The following NR1I2 variants were observed in gnomAD, a reference collection of about 807,000 sequenced individuals.
NR1I2 encodes the protein orphan nuclear receptor PAR1.
Under a neutral mutation model 43.3 loss-of-function variants are expected in NR1I2, and 42 were observed. The observed-to-expected ratio is 0.97, with a 90% CI of 0.76 to 1.26. NR1I2 has a LOEUF of 1.26. NR1I2 is among the 50% of genes most tolerant of loss of function. The pLI, the probability that NR1I2 is intolerant of heterozygous loss-of-function variation, is 0.00. For missense variants in NR1I2, 559 were observed against 566.7 expected (o/e 0.99, Z 0.14); for synonymous variants, 229 against 215.0 (o/e 1.06, Z -0.57).
intron 7 of NR1I2, 31 bp downstream of exon 7, chr3:119,815,470 C>T (rs770624324): frequency 3.9e-6 from 6 of 1,548,686 alleles, no homozygotes; most frequent in South Asian, 2.2e-5. Context: ...GCCTGACATC[C>T]CCCCCAGCCT....
chr3:119,817,134 G>A lies in NR1I2; in HGVS notation c.1227G>A (p.Gln409=). The change falls in exon 9 of 9, where the codon CAG becomes CAA. Residue 409 remains glutamine, a synonymous_variant. Coordinates refer to ENST00000393716, the MANE Select transcript of NR1I2 (RefSeq NM_003889.4). ...GCAGCATCAATGCTCAGCACACCCA[G>A]CGGCTGCTGCGCATCCAGGACATAC... 1.9e-6 allele frequency: 3 copies of A among 1,614,170 alleles called. No homozygotes were observed. The highest frequency in any genetic ancestry group is 2.5e-6 in the Non-Finnish European group (3 of 1,180,026).
intron 5 of NR1I2, among the ~76,000 whole-genome samples, chr3:119,814,302 C>G (rs1012545623): frequency 6.6e-6 from 1 of 152,224 alleles, no homozygotes; most frequent in South Asian, 2.1e-4. Context: ...CCTGCAGGAC[C>G]GGAAGGGTAT....
chr3:119,782,911 C>A, intron 1 of NR1I2: 2 of 1,391,694 alleles, frequency 1.4e-6, no homozygotes, highest in Non-Finnish European at 2.0e-6. Flanking sequence ...CGAGTCTTGC[C>A]TGCATGTGGT....
intron 2 of NR1I2, among the ~76,000 whole-genome samples, chr3:119,808,736 A>G (rs1469553750): frequency 6.6e-6 from 1 of 152,248 alleles, no homozygotes; most frequent in Non-Finnish European, 1.5e-5. Context: ...CTGGGGATCC[A>G]TCGTCTCCAA....
In NR1I2 at chr3:119,810,086, C is replaced by G; in HGVS notation, c.223C>G (p.Leu75Val). The G allele has an allele frequency of 6.2e-7, 1 of 1,613,916 alleles. No individual in the cohort carries two copies. Among genetic ancestry groups the G allele is most frequent in the South Asian group, 1.1e-5 (1 of 91,088 alleles). Residue 75 changes from leucine (L) to valine (V), a missense_variant, in exon 3 of 9, where the codon CTG becomes GTG. By Grantham distance (32) the Leu-to-Val change is conservative. This residue lies in a region of NR1I2 where 232 missense variants were observed against 236.6 expected (regional missense o/e 0.98). Coordinates refer to ENST00000393716, the MANE Select transcript of NR1I2 (RefSeq NM_003889.4). ...GAGGGCCATGAAACGCAACGCCCGG[C>G]TGAGGTGCCCCTTCCGGAAGGGCGC...
At chr3:119,805,708 C>T in intron 1 of NR1I2, among the ~76,000 whole-genome samples, 1 of 26,502 alleles carries the variant, frequency 3.8e-5, no homozygotes, top group African/African-American at 4.9e-5. Context: ...GTCCCCCCCT[C>T]CCCCCCACCA....
chr3:119,787,812 C>T (rs1015333559), intron 1 of NR1I2, among the ~76,000 whole-genome samples: 7 of 151,318 alleles, frequency 4.6e-5, no homozygotes, highest in African/African-American at 1.5e-4. Context: ...TATATGTAAT[C>T]GTGTGTATGT....
At chr3:119,789,983 G>A (rs914164264) in intron 1 of NR1I2, among the ~76,000 whole-genome samples, 1 of 152,070 alleles carries the variant, frequency 6.6e-6, no homozygotes, top group African/African-American at 2.4e-5. Flanking sequence ...GCATTTCTAA[G>A]TGTATAGCTC....
chr3:119,812,011 G>A (rs3732357), intron 4 of NR1I2, among the ~76,000 whole-genome samples: 88,322 of 151,970 alleles, frequency 0.58, 27,865 homozygotes, highest in Non-Finnish European at 0.7. Flanking sequence ...AGGACCCCCC[G>A]GTGATTCTGT....
chr3:119,817,205 G>A lies in NR1I2; in HGVS notation c.1298G>A (p.Gly433Asp), dbSNP rs1211554084. 4.3e-6 allele frequency: 7 copies of A among 1,613,988 alleles called. No homozygotes were observed. The East Asian group carries it at 1.1e-4, about 26-fold the overall frequency. The stretch of plus-strand genomic sequence containing the variant: ...ATGCAGGAGTTGTTCGGCATCACAG[G>A]TAGCTGAGCGGCTGCCCTTGGGTGA... The change falls in exon 9 of 9, where the codon GGT becomes GAT. Residue 433 changes from glycine (G) to aspartate (D), a missense_variant. Coordinates refer to ENST00000393716, the MANE Select transcript of NR1I2 (RefSeq NM_003889.4).
Position 119,817,179 on chromosome 3 carries a change from C to T in NR1I2, c.1272C>T (p.Leu424=), listed in dbSNP as rs2055342325. 6.2e-7 allele frequency: 1 copy of T among 1,614,192 alleles called. No homozygotes were observed. The highest frequency in any genetic ancestry group is 1.1e-5 in the South Asian group (1 of 91,084). The change falls in exon 9 of 9, where the codon CTC becomes CTT. Residue 424 remains leucine (L), a synonymous_variant. Coordinates refer to ENST00000393716, the MANE Select transcript of NR1I2 (RefSeq NM_003889.4). Reference sequence around the variant, plus strand: ...ACATACACCCCTTTGCTACGCCCCTCATGCAGGAGTTGTTCGGCATCACAG... The same window carrying T: ...ACATACACCCCTTTGCTACGCCCCTTATGCAGGAGTTGTTCGGCATCACAG...
At chr3:119,804,467 G>A (rs1292784100) in intron 1 of NR1I2, among the ~76,000 whole-genome samples, 1 of 121,528 alleles carries the variant, frequency 8.2e-6, no homozygotes, top group African/African-American at 3.2e-5. Context: ...TTTTTGAGAC[G>A]AAGTTTTGTT....
chr3:119,809,576 G>T (rs1395041423), intron 2 of NR1I2, among the ~76,000 whole-genome samples: 1 of 142,944 alleles, frequency 7.0e-6, no homozygotes, highest in Non-Finnish European at 1.5e-5. Context: ...AAGGCGGGGG[G>T]GTGGGGCGGG....
chr3:119,792,508 C>A, intron 1 of NR1I2: 1 of 1,084,454 alleles, frequency 9.2e-7, no homozygotes, highest in Non-Finnish European at 1.4e-6. Context: ...GGAACATCAC[C>A]AATCTGCCGG....
intron 1 of NR1I2, among the ~76,000 whole-genome samples, chr3:119,804,543 T>G (rs6438547): frequency 6.7e-6 from 1 of 149,544 alleles, no homozygotes; most frequent in East Asian, 2.0e-4. Context: ...CTCCTGGGTT[T>G]GAGCGATTCT....
chr3:119,792,567 C>A, intron 1 of NR1I2: 2 of 856,796 alleles, frequency 2.3e-6, no homozygotes, highest in Non-Finnish European at 3.8e-6. Context: ...CCCACCCTGC[C>A]TGCACCTCCA....
intron 1 of NR1I2, among the ~76,000 whole-genome samples, chr3:119,787,117 G>A (rs1024562245): frequency 3.3e-5 from 5 of 151,992 alleles, no homozygotes; most frequent in African/African-American, 7.2e-5. Flanking sequence ...GCGAAAACCC[G>A]TCTCTACTAA....
At chr3:119,816,665 T>G (rs973017438) in intron 8 of NR1I2, among the ~76,000 whole-genome samples, 3 of 151,684 alleles carry the variant, frequency 2.0e-5, no homozygotes, top group African/African-American at 7.3e-5. Flanking sequence ...TAGAAAAATT[T>G]TAAAAAATTA....
At chr3:119,797,186 A>ATGTGTGTGTG (rs60261128) in intron 1 of NR1I2, among the ~76,000 whole-genome samples, 28,575 of 144,898 alleles carry the variant, frequency 0.2, 3,154 homozygotes, top group Non-Finnish European at 0.26. Flanking sequence ...GCACAAAGAT[A>ATGTGTGTGTG]TGTGTGTGTG....
Sources: allele counts gnomAD v4.1 joint callset (sites outside exome capture counted in the v4.1 genomes callset), GRCh38; gene constraint gnomAD v4.1.1; regional missense constraint gnomAD v4.1.1; transcripts MANE v1.5; gene names NCBI Gene and HGNC (gene_info 2026-07-23, HGNC 2026-07-21).